The following VWF variants were observed in gnomAD, a reference collection of about 807,000 sequenced individuals.
VWF encodes Factor VIII related antigen.
VWF carries 176 observed loss-of-function variants against 308.6 expected under a neutral mutation model. That is an observed-to-expected ratio of 0.57 (90% CI 0.50 to 0.65). The LOEUF (loss-of-function observed/expected upper bound fraction) is 0.65. Among genes scored for constraint, VWF ranks in the 30% least tolerant of loss-of-function variants. The pLI is 0.00. For missense variants in VWF, 3,146 were observed against 3,648.2 expected (o/e 0.86, Z 3.55); for synonymous variants, 1,385 against 1,443.4 (o/e 0.96, Z 0.92).
rs1945093107 is a variant in VWF, at chr12:6,095,246, GAC to G, written c.657+212_657+213del. On this transcript the variant is annotated intron_variant, in intron 6 of 51. Transcript: ENST00000261405. ...TGTTATAGCAGCACAAATGGACTGAGACACTACACCAAGTCATTAGCCCAGAC... is the reference window on the plus strand; with the variant it reads ...TGTTATAGCAGCACAAATGGACTGAGACTACACCAAGTCATTAGCCCAGAC... The G allele has an allele frequency of 9.1e-6, 6 of 662,868 alleles. No individual in the cohort carries two copies. The East Asian group carries it at 1.7e-4, about 19-fold the overall frequency. The allele number at this position is 662,868 out of a possible 1,614,324, so 41.1% of individuals were successfully genotyped here.
rs28668954 is a variant in VWF at position 6,094,104 on chromosome 12, G to A, written c.657+1356C>T. ...AATGCCGCTGCCACCCAAAAATGACGGAAGCAAGGACCTAGAGCCTCTGGA... is the reference window on the plus strand; with the variant it reads ...AATGCCGCTGCCACCCAAAAATGACAGAAGCAAGGACCTAGAGCCTCTGGA... On this transcript the variant is annotated intron_variant, in intron 6 of 51. Coordinates refer to ENST00000261405, the MANE Select transcript of VWF (RefSeq NM_000552.5). Among the ~76,000 whole-genome samples, 18 of 152,284 alleles carry A rather than the reference G, an allele frequency of 1.2e-4. No individual in the cohort carries two copies. The East Asian group carries it at 1.4e-3, about 11-fold the overall frequency.
intron 3 of VWF, among the ~76,000 whole-genome samples, chr12:6,112,609 T>C (rs1478809729): frequency 6.6e-6 from 1 of 152,066 alleles, no homozygotes; most frequent in Non-Finnish European, 1.5e-5. Flanking sequence ...CTAGAAGGGA[T>C]AGGGGAGTGT....
At chr12:6,098,652 A>G (rs1387010490) in intron 5 of VWF, among the ~76,000 whole-genome samples, 1 of 151,864 alleles carries the variant, frequency 6.6e-6, no homozygotes, top group Non-Finnish European at 1.5e-5. Flanking sequence ...GGTGGCAGGC[A>G]CCTGTAGTCC....
chr12:6,110,220 A>C (rs1345389964), intron 5 of VWF, among the ~76,000 whole-genome samples, 154 bp downstream of exon 5: 2 of 152,176 alleles, frequency 1.3e-5, no homozygotes, highest in African/African-American at 4.8e-5. Flanking sequence ...TAGGCATTGG[A>C]ATGGAATGCA....
rs1944102026 is a variant in VWF at position 6,019,305 on chromosome 12, C to T, written c.4113G>A (p.Lys1371=). ...LKYTLFQIFS[K]IDRPEASRIT... is the part of the protein sequence containing the mutation. ...TGCGGGAGGCTTCAGGGCGGTCGAT[C>T]TTGCTGAAGATTTGGAACAGTGTGT... The change falls in exon 28 of 52, where the codon AAG becomes AAA. Residue 1371 remains lysine, a synonymous_variant. Transcript: ENST00000261405. The surrounding 1 kb of genome is among the most constrained non-coding windows in gnomAD (Gnocchi z 5.8). The T allele has an allele frequency of 6.2e-7, 1 of 1,613,790 alleles. No homozygotes were observed. Among genetic ancestry groups the T allele is most frequent in the South Asian group, 1.1e-5 (1 of 91,074 alleles).
chr12:6,068,830 T>TGCGTG (rs1280885022), intron 10 of VWF, among the ~76,000 whole-genome samples: 15 of 121,986 alleles, frequency 1.2e-4, no homozygotes, highest in African/African-American at 5.5e-4. Context: ...TTTTTTTTTT[T>TGCGTG]TTTGCGTGTG....
intron 44 of VWF, 92 bp downstream of exon 44, chr12:5,971,507 A>C (rs1342520053): frequency 5.7e-6 from 6 of 1,047,432 alleles, no homozygotes; most frequent in East Asian, 2.4e-5. Context: ...GGGGAAAGCA[A>C]AGGGCAGGGA....
chr12:6,011,579 C>T (rs759409677), intron 34 of VWF, 38 bp downstream of exon 34: 1 of 1,557,702 alleles, frequency 6.4e-7, no homozygotes, highest in Non-Finnish European at 8.7e-7. Flanking sequence ...AGCACTGCCC[C>T]TTTGACGCTG....
intron 34 of VWF, among the ~76,000 whole-genome samples, chr12:5,998,482 AAAAAAAAAAAAAAAAAATAT>A: frequency 1.7e-5 from 1 of 58,194 alleles, no homozygotes; most frequent in Non-Finnish European, 3.0e-5. Context: ...AAAAAAAAAA[AAAAAAAAAAAAAAAAAATAT>A]ATATATATAT....
At chr12:6,031,881 A>C (rs1944267928) in intron 20 of VWF, among the ~76,000 whole-genome samples, 1 of 152,182 alleles carries the variant, frequency 6.6e-6, no homozygotes, top group Admixed American at 6.5e-5. Context: ...TGGATGCATC[A>C]GGCTCAAAGG....
At chr12:6,078,150 C>T (rs1224506509) in intron 6 of VWF, among the ~76,000 whole-genome samples, 1 of 152,162 alleles carries the variant, frequency 6.6e-6, no homozygotes, top group South Asian at 2.1e-4. Context: ...CAGAAGGACA[C>T]CTTTCTCCTT....
Position 6,076,032 on chromosome 12 carries a change from G to A in VWF, c.658-481C>T, listed in dbSNP as rs543422178. Among the ~76,000 whole-genome samples the A allele has an allele frequency of 2.0e-5, 3 of 152,252 alleles. No homozygotes were observed. In the East Asian group the frequency reaches 5.8e-4, roughly 29 times the overall value. On this transcript the variant is annotated intron_variant, in intron 6 of 51. Transcript: ENST00000261405. The stretch of plus-strand genomic sequence containing the variant: ...GAGATTTCTGGGTCTCACCCTAGGA[G>A]ATCTGAATGCAGTAGTTTGGGATGG...
At chr12:6,038,874 T>C (rs1944367118) in intron 18 of VWF, among the ~76,000 whole-genome samples, 1 of 152,222 alleles carries the variant, frequency 6.6e-6, no homozygotes, top group Non-Finnish European at 1.5e-5. Flanking sequence ...AGCATGAGAC[T>C]TCCTGACTTG....
At chr12:6,102,780 G>A (rs1045241878) in intron 5 of VWF, among the ~76,000 whole-genome samples, 4 of 151,798 alleles carry the variant, frequency 2.6e-5, no homozygotes, top group Admixed American at 6.6e-5. Flanking sequence ...TAATGGATCA[G>A]AATTCATATT....
In VWF at chr12:6,067,854, C is replaced by G. The variant is rs199635735; in HGVS notation, c.1157-2581G>C. 1.4e-4 allele frequency among the ~76,000 whole-genome samples: 21 copies of G among 152,190 alleles called. No homozygotes were observed. In the East Asian group the frequency reaches 4.1e-3, roughly 29 times the overall value. On this transcript the variant is annotated intron_variant, in intron 10 of 51. Transcript: ENST00000261405. The stretch of plus-strand genomic sequence containing the variant: ...TTTAAAAAAAAAAGAGCATCCAGGC[C>G]GGGCCGTCATGGCTCATGCCTATAA...
rs1555198325 is a variant in VWF, at chr12:6,057,480, T to TTTTTTATTA, written c.1729+368_1729+369insTAATAAAAA. The stretch of plus-strand genomic sequence containing the variant: ...GGCGCGCCCCACCACGCCCGGCAAA[T>TTTTTTATTA]TTATTATTATTATTATTATTATTAT... On this transcript the variant is annotated intron_variant, in intron 14 of 51. Transcript: ENST00000261405. Among the ~76,000 whole-genome samples the TTTTTTATTA allele has an allele frequency of 3.9e-5, 5 of 129,562 alleles. No homozygotes were observed. In the East Asian group the frequency reaches 6.7e-4, roughly 17 times the overall value. 85.0% of individuals were successfully genotyped at this position (129,562 alleles called of 152,430 possible).
rs56198206 is a variant in VWF at position 6,089,962 on chromosome 12, C to CTT, written c.657+5496_657+5497dup. Among the ~76,000 whole-genome samples, 196 of 150,754 alleles carry CTT rather than the reference C, an allele frequency of 1.3e-3. 2 individuals are homozygous for CTT. The highest frequency in any genetic ancestry group is 4.4e-3 in the African/African-American group (181 of 41,014). On this transcript the variant is annotated intron_variant, in intron 6 of 51. Transcript: ENST00000261405. ...ATTATGAAAATCTGTCCTCTTTTTT[C>CTT]TTTTTTTTTGTTTGAGATGGAGTCT...
chr12:6,110,034 T>C (rs1054722086), intron 5 of VWF, among the ~76,000 whole-genome samples: 1 of 152,156 alleles, frequency 6.6e-6, no homozygotes, highest in Admixed American at 6.6e-5. Context: ...TTTTGGATGG[T>C]GTGGAGGACC....
intron 34 of VWF, 115 bp from the exon 35 acceptor site, chr12:5,996,337 A>C (rs765213666): frequency 2.2e-6 from 2 of 928,248 alleles, no homozygotes; most frequent in Non-Finnish European, 3.4e-6. Context: ...AGAGAATGGA[A>C]CAGGCCCTTT....
Sources: gnomAD v4.1 joint callset for allele counts (sites outside exome capture counted in the v4.1 genomes callset) on GRCh38, gnomAD v4.1.1 for gene constraint, Gnocchi (gnomAD v3.1) non-coding constraint, MANE v1.5 for transcripts, NCBI Gene and HGNC (gene_info 2026-07-23, HGNC 2026-07-21) for gene names.